Variants in TMEM232 observed in about 807,000 individuals in gnomAD.
TMEM232 encodes transmembrane protein 232.
A neutral mutation model predicts 78.8 loss-of-function variants in TMEM232; 80 were observed. The ratio of observed to expected loss-of-function variants is 1.01; its 90% CI spans 0.85 to 1.22. The LOEUF is 1.22. Among genes scored for constraint, TMEM232 ranks in the 50% most tolerant of loss-of-function variants. The pLI is 0.00. For missense variants in TMEM232, 881 were observed against 742.2 expected, an observed-to-expected ratio of 1.19 and a Z score of -2.17; for synonymous variants, 297 against 254.3, an observed-to-expected ratio of 1.17 and a Z score of -1.60.
At chr5:110,513,401 G>A (rs904100634) in intron 12 of TMEM232, among the ~76,000 whole-genome samples, 1 of 152,020 alleles carries the variant, frequency 6.6e-6, no homozygotes, top group Non-Finnish European at 1.5e-5. Flanking sequence ...TCAGTAAGTG[G>A]TTAATATTTA....
Position 110,610,199 on chromosome 5 carries a change from C to CAAGG in TMEM232, c.903-3916_903-3913dup, listed in dbSNP as rs200771122. 1.7e-3 allele frequency among the ~76,000 whole-genome samples: 82 copies of CAAGG among 49,208 alleles called. 1 individual carries two copies. Among genetic ancestry groups the CAAGG allele is most frequent in the African/African-American group, 5.2e-3 (72 of 13,876 alleles). 32.3% of individuals were successfully genotyped at this position (49,208 alleles called of 152,430 possible). Reference sequence around the variant, plus strand: ...CCTATCTAATTACAGAAGGAAGGAACAAGGAAGGAAGGAAGGAAGGGAGGG... The same window carrying CAAGG: ...CCTATCTAATTACAGAAGGAAGGAACAAGGAAGGAAGGAAGGAAGGAAGGGAGGG... On this transcript the variant is annotated intron_variant, in intron 8 of 13. Transcript: ENST00000455884.
At chr5:110,687,371 C>G (rs1379977650) in intron 1 of TMEM232, among the ~76,000 whole-genome samples, 1 of 152,144 alleles carries the variant, frequency 6.6e-6, no homozygotes, top group African/African-American at 2.4e-5. Context: ...GTCCTCAAAT[C>G]TGACCCAAAT....
intron 12 of TMEM232, among the ~76,000 whole-genome samples, chr5:110,473,362 A>T (rs1184664022): frequency 6.6e-6 from 1 of 151,914 alleles, no homozygotes; most frequent in Non-Finnish European, 1.5e-5. Flanking sequence ...GGAAAATGCA[A>T]CTCAAAACCA....
Position 110,606,255 on chromosome 5 carries a change from C to G in TMEM232, c.935G>C (p.Gly312Ala). The G allele has an allele frequency of 6.5e-7, 1 of 1,543,332 alleles. No individual in the cohort carries two copies. The highest frequency in any genetic ancestry group is 8.8e-7 in the Non-Finnish European group (1 of 1,141,190). ...LDSVLALLVL[G>A]EAAKLNMACL... ...GGCCATGTTTAATTTGGCAGCCTCCCCAAGGACCAGTAAAGCCAGTACTGA... is the reference window on the plus strand; with the variant it reads ...GGCCATGTTTAATTTGGCAGCCTCCGCAAGGACCAGTAAAGCCAGTACTGA... The change falls in exon 9 of 14, where the codon GGG becomes GCG. Residue 312 changes from glycine (G) to alanine (A), a missense_variant. Coordinates refer to ENST00000455884, the MANE Select transcript of TMEM232 (RefSeq NM_001039763.4).
chr5:110,626,392 T>C (rs1208723510), intron 6 of TMEM232, among the ~76,000 whole-genome samples: 1 of 152,074 alleles, frequency 6.6e-6, no homozygotes, highest in Non-Finnish European at 1.5e-5. Flanking sequence ...AGAATTCCTA[T>C]TCTATCAGTC....
chr5:110,404,879 G>T (rs973362361), intron 2 of TMEM232, among the ~76,000 whole-genome samples: 3 of 151,928 alleles, frequency 2.0e-5, no homozygotes, highest in Non-Finnish European at 4.4e-5. Flanking sequence ...ACTCGGCAGG[G>T]TTAAAAAGAA....
Position 110,662,625 on chromosome 5 carries a change from G to C in TMEM232, c.125+4603C>G, listed in dbSNP as rs181502963. On this transcript the variant is annotated intron_variant, in intron 2 of 13. Transcript: ENST00000455884. Reference sequence around the variant, plus strand: ...TAGTAATTAAGGCAGTGTGGCGTTGGTGTGGAATTAGACAAATGGGCCAGT... The same window carrying C: ...TAGTAATTAAGGCAGTGTGGCGTTGCTGTGGAATTAGACAAATGGGCCAGT... Among the ~76,000 whole-genome samples the C allele has an allele frequency of 1.6e-3, 238 of 152,230 alleles. 2 individuals are homozygous for C. The highest frequency in any genetic ancestry group is 5.5e-3 in the African/African-American group (230 of 41,558).
At chr5:110,485,647 T>G (rs1580879384) in intron 12 of TMEM232, among the ~76,000 whole-genome samples, 1 of 152,172 alleles carries the variant, frequency 6.6e-6, no homozygotes, top group East Asian at 1.9e-4. Flanking sequence ...ATTCATTCTT[T>G]TTTATAGTTG....
chr5:110,713,373 A>G (rs1580764834), intron 1 of TMEM232, among the ~76,000 whole-genome samples: 1 of 152,290 alleles, frequency 6.6e-6, no homozygotes, highest in East Asian at 1.9e-4. Flanking sequence ...TAATAATTTA[A>G]TTATAAATTT....
chr5:110,436,726 A>T (rs997892379), intron 12 of TMEM232, among the ~76,000 whole-genome samples: 15 of 151,944 alleles, frequency 9.9e-5, no homozygotes, highest in African/African-American at 3.6e-4. Context: ...CTTTTCCCCC[A>T]ACGTATTCCT....
At chr5:110,711,873 G>A (rs1431929213) in intron 1 of TMEM232, among the ~76,000 whole-genome samples, 5 of 152,008 alleles carry the variant, frequency 3.3e-5, no homozygotes, top group East Asian at 3.9e-4. Flanking sequence ...TTGGGAGGCC[G>A]AGGTGGGCAG....
At chr5:110,530,304 G>GA (rs1410306172) in intron 11 of TMEM232, among the ~76,000 whole-genome samples, 3 of 152,028 alleles carry the variant, frequency 2.0e-5, no homozygotes, top group Non-Finnish European at 4.4e-5. Context: ...GAATAACATG[G>GA]AAAAAAACAT....
intron 12 of TMEM232, among the ~76,000 whole-genome samples, chr5:110,521,362 TA>T (rs1434082687): frequency 6.6e-6 from 1 of 152,228 alleles, no homozygotes; most frequent in Non-Finnish European, 1.5e-5. Context: ...ATTTGGAAAT[TA>T]AACCTTTGTC....
At chr5:110,445,079 A>G (rs76815178) in intron 12 of TMEM232, among the ~76,000 whole-genome samples, 1 of 151,774 alleles carries the variant, frequency 6.6e-6, no homozygotes, top group East Asian at 1.9e-4. Context: ...TGGCTGAAAA[A>G]TTTTTCATTT....
At chr5:110,604,415 A>G (rs977469776) in intron 10 of TMEM232, among the ~76,000 whole-genome samples, 2 of 152,084 alleles carry the variant, frequency 1.3e-5, no homozygotes, top group African/African-American at 4.8e-5. Flanking sequence ...ATTATACTAG[A>G]ATATTTGAGT....
intron 8 of TMEM232, among the ~76,000 whole-genome samples, chr5:110,615,787 G>A (rs975694441): frequency 6.6e-6 from 1 of 151,864 alleles, no homozygotes; most frequent in African/African-American, 2.4e-5. Context: ...AATGAATTCA[G>A]TAAAATTGAA....
At chr5:110,652,295 C>CACACACACACACACAG (rs1491584512) in intron 2 of TMEM232, among the ~76,000 whole-genome samples, 1 of 510 alleles carries the variant, frequency 2.0e-3, no homozygotes, top group Non-Finnish European at 0.019. Context: ...CACGCGCGCG[C>CACACACACACACACAG]ACACACACAC....
At chr5:110,540,629 G>A (rs145979373) in intron 11 of TMEM232, among the ~76,000 whole-genome samples, 1 of 152,300 alleles carries the variant, frequency 6.6e-6, no homozygotes, top group East Asian at 1.9e-4. Flanking sequence ...GTAGTTTCAT[G>A]TCAAATAGGG....
intron 1 of TMEM232, among the ~76,000 whole-genome samples, chr5:110,688,781 C>A (rs1326272141): frequency 6.6e-6 from 1 of 152,166 alleles, no homozygotes; most frequent in African/African-American, 2.4e-5. Flanking sequence ...CCTGCCTCCA[C>A]CTTTTGGCTG....
Sources: allele counts gnomAD v4.1 joint callset (sites outside exome capture counted in the v4.1 genomes callset), GRCh38; gene constraint gnomAD v4.1.1; transcripts MANE v1.5; gene names NCBI Gene and HGNC (gene_info 2026-07-23, HGNC 2026-07-21).